Variants in GBP7 observed in about 807,000 individuals in gnomAD.
GBP7 encodes the protein guanylate binding protein 7.
GBP7 carries 43 observed loss-of-function variants against 61.3 expected under a neutral mutation model. The observed-to-expected ratio is 0.70, with a 90% CI of 0.55 to 0.91. The LOEUF is 0.91. GBP7 is among the 40% of genes least tolerant of loss of function. GBP7 has a pLI of 0.00. For synonymous variants in GBP7, 267 were observed against 271.0 expected (o/e 0.99, Z 0.14); for missense variants, 717 against 740.5 (o/e 0.97, Z 0.37).
chr1:89,136,272 G>A lies in GBP7; in HGVS notation c.1469-2821C>T, dbSNP rs139706074. On this transcript the variant is annotated intron_variant, in intron 9 of 10. Transcript: ENST00000294671. The stretch of plus-strand genomic sequence containing the variant: ...CAGATCATTGAGGCAAAAAACTAAC[G>A]AAGATATTCAGGACCTAACTTGACA... Among the ~76,000 whole-genome samples the A allele has an allele frequency of 5.4e-3, 814 of 152,024 alleles. 10 individuals are homozygous for A. Among genetic ancestry groups the A allele is most frequent in the African/African-American group, 0.017 (706 of 41,510 alleles).
At chr1:89,141,975 T>G (rs1004852630) in intron 8 of GBP7, among the ~76,000 whole-genome samples, 3 of 152,198 alleles carry the variant, frequency 2.0e-5, no homozygotes, top group Admixed American at 2.0e-4. Context: ...TTATTTGCTT[T>G]CTTTTTTCTT....
chr1:89,171,216 G>A (rs1010589136), intron 2 of GBP7, among the ~76,000 whole-genome samples: 2 of 152,146 alleles, frequency 1.3e-5, no homozygotes, highest in African/African-American at 4.8e-5. Flanking sequence ...TGAAACTGAA[G>A]AGTAGAAATA....
chr1:89,145,665 C>T (rs1018334775), intron 8 of GBP7, among the ~76,000 whole-genome samples: 1 of 152,110 alleles, frequency 6.6e-6, no homozygotes, highest in South Asian at 2.1e-4. Context: ...AATTCAGCTA[C>T]ATTTCTATGC....
Position 89,132,553 on chromosome 1 carries a change from G to A in GBP7, c.1663-150C>T, listed in dbSNP as rs146043219. 34 of 636,888 alleles carry A rather than the reference G, an allele frequency of 5.3e-5. No individual in the cohort carries two copies. The East Asian group carries it at 8.2e-4, about 15-fold the overall frequency. The allele number at this position is 636,888 out of a possible 1,614,324, so 39.5% of individuals were successfully genotyped here. ...GTTGGTCTGACATTTCCAGATGACT[G>A]GACCTAAATAAGGGGAGTATCCATG... On this transcript the variant is annotated intron_variant, in intron 10 of 10. Transcript: ENST00000294671.
chr1:89,172,172 T>G (rs898177418), intron 1 of GBP7, among the ~76,000 whole-genome samples: 1 of 152,192 alleles, frequency 6.6e-6, no homozygotes, highest in Non-Finnish European at 1.5e-5. Flanking sequence ...ATGATAGGTA[T>G]GAAGAGTGCC....
intron 2 of GBP7, among the ~76,000 whole-genome samples, chr1:89,165,734 CA>C (rs1187708506): frequency 1.4e-5 from 2 of 143,568 alleles, no homozygotes; most frequent in Admixed American, 7.1e-5. Context: ...CACATGGACA[CA>C]GGGAGGGGAA....
At chr1:89,150,627 T>A in intron 5 of GBP7, 52 bp from the exon 6 acceptor site, 1 of 1,579,432 alleles carries the variant, frequency 6.3e-7, no homozygotes, top group Non-Finnish European at 8.6e-7. Context: ...TAAGTGAGCC[T>A]GAAGATTTTC....
intron 6 of GBP7, 58 bp downstream of exon 6, chr1:89,150,272 A>G (rs1682161662): frequency 2.7e-6 from 4 of 1,497,822 alleles, no homozygotes; most frequent in East Asian, 2.3e-5. Context: ...AGCTTAGTTT[A>G]CTAGTTTTTG....
intron 2 of GBP7, among the ~76,000 whole-genome samples, chr1:89,171,360 G>A (rs1647591079): frequency 6.6e-6 from 1 of 152,018 alleles, no homozygotes; most frequent in Admixed American, 6.6e-5. Flanking sequence ...AGAGATAAGA[G>A]AAATTATAAC....
At chr1:89,145,650 A>T (rs191806562) in intron 8 of GBP7, among the ~76,000 whole-genome samples, 1 of 152,348 alleles carries the variant, frequency 6.6e-6, no homozygotes, top group African/African-American at 2.4e-5. Context: ...CAAAATTAGC[A>T]TACAAATTCA....
chr1:89,157,375 A>G (rs900796084), intron 3 of GBP7, among the ~76,000 whole-genome samples: 2 of 152,236 alleles, frequency 1.3e-5, no homozygotes, highest in African/African-American at 4.8e-5. Context: ...TGAAGGAGAT[A>G]GAGACACAAA....
chr1:89,152,495 C>T, intron 4 of GBP7, 31 bp from the exon 5 acceptor site: 1 of 1,596,446 alleles, frequency 6.3e-7, no homozygotes, highest in Non-Finnish European at 8.6e-7. Context: ...GGATAGCACC[C>T]TACACCATCA....
chr1:89,132,505 A>G, intron 10 of GBP7, 102 bp from the exon 11 acceptor site: 1 of 852,658 alleles, frequency 1.2e-6, no homozygotes, highest in Admixed American at 2.7e-5. Flanking sequence ...CATTTCTCTA[A>G]CATCTTAGAA....
intron 1 of GBP7, among the ~76,000 whole-genome samples, chr1:89,175,234 T>C (rs1050034383): frequency 6.6e-6 from 1 of 152,204 alleles, no homozygotes; most frequent in African/African-American, 2.4e-5. Context: ...GACTTGTTCC[T>C]CTGGAGGTTT....
At position 89,141,664 on chromosome 1, in the gene GBP7, G is replaced by A. The variant is rs367975228; in HGVS notation, c.1366-16C>T. On this transcript the variant is annotated splice_polypyrimidine_tract_variant and intron_variant, in intron 8 of 10. Coordinates refer to ENST00000294671, the MANE Select transcript of GBP7 (RefSeq NM_207398.3). ...CCTCGTCTGCCTGAAGAACCAAGAA[G>A]GAGCAAAGACCTGTCAGGCAGCAGA... The A allele has an allele frequency of 1.2e-6, 2 of 1,601,044 alleles. No homozygotes were observed. Among genetic ancestry groups the A allele is most frequent in the Admixed American group, 1.7e-5 (1 of 59,894 alleles).
At chr1:89,164,105 G>T (rs1416535063) in intron 3 of GBP7, among the ~76,000 whole-genome samples, 2 of 152,162 alleles carry the variant, frequency 1.3e-5, no homozygotes, top group East Asian at 3.9e-4. Context: ...TCTGACCTCA[G>T]ATGGTCCACC....
chr1:89,137,607 A>G (rs1198563186), intron 9 of GBP7, among the ~76,000 whole-genome samples: 2 of 152,034 alleles, frequency 1.3e-5, no homozygotes, highest in African/African-American at 2.4e-5. Flanking sequence ...TCAATATTTC[A>G]TGTTAAAATA....
intron 3 of GBP7, among the ~76,000 whole-genome samples, chr1:89,163,461 G>A (rs1433370208): frequency 6.6e-6 from 1 of 150,380 alleles, no homozygotes; most frequent in Admixed American, 6.6e-5. Flanking sequence ...TCATTTGTCT[G>A]TTCAGGGATT....
At chr1:89,154,522 T>C (rs1682270075) in intron 3 of GBP7, among the ~76,000 whole-genome samples, 1 of 152,094 alleles carries the variant, frequency 6.6e-6, no homozygotes, top group African/African-American at 2.4e-5. Context: ...AATTTTTGTA[T>C]TTTTAATAGA....
Sources: gnomAD v4.1 joint callset for allele counts (sites outside exome capture counted in the v4.1 genomes callset) on GRCh38, gnomAD v4.1.1 for gene constraint, MANE v1.5 for transcripts, NCBI Gene and HGNC (gene_info 2026-07-23, HGNC 2026-07-21) for gene names.